SH3GLB1: variants seen among roughly 807,000 people sequenced by gnomAD.
SH3GLB1 encodes SH3 domain containing GRB2 like, endophilin B1.
SH3GLB1 carries 17 observed loss-of-function variants against 42.0 expected under a neutral mutation model. That is an observed-to-expected ratio of 0.40 (90% confidence interval 0.28 to 0.61). The LOEUF (loss-of-function observed/expected upper bound fraction) is 0.61, where lower values mean the gene tolerates loss of function less well. Ranked by LOEUF, SH3GLB1 falls within the 20% of genes least tolerant of loss-of-function variation. The pLI is 0.36. For missense variants in SH3GLB1, 355 were observed against 426.3 expected (o/e 0.83, Z 1.47); for synonymous variants, 132 against 146.6 (o/e 0.90, Z 0.72).
chr1:86,728,484 C>G (rs747138378), intron 5 of SH3GLB1: 2 of 1,540,300 alleles, frequency 1.3e-6, no homozygotes, highest in East Asian at 2.4e-5. Flanking sequence ...TGTAAAATGG[C>G]TGAAGGTTTG....
At chr1:86,734,089 A>G (rs1655658614) in intron 5 of SH3GLB1, among the ~76,000 whole-genome samples, 1 of 152,212 alleles carries the variant, frequency 6.6e-6, no homozygotes, top group Admixed American at 6.5e-5. Flanking sequence ...AACTGGTGCT[A>G]GCAACAAGTG....
intron 1 of SH3GLB1, among the ~76,000 whole-genome samples, chr1:86,711,635 TATC>T (rs148163760): frequency 0.012 from 1,893 of 152,256 alleles, 53 homozygotes; most frequent in African/African-American, 0.043. Flanking sequence ...TAATACCTAT[TATC>T]AAGAGATTAC....
chr1:86,720,100 TAAATG>T (rs1654786597), intron 3 of SH3GLB1, among the ~76,000 whole-genome samples: 2 of 152,082 alleles, frequency 1.3e-5, no homozygotes, highest in Admixed American at 1.3e-4. Flanking sequence ...TATATACAGT[TAAATG>T]TAATATTTAA....
intron 5 of SH3GLB1, among the ~76,000 whole-genome samples, chr1:86,729,387 A>G (rs1374370706): frequency 2.6e-5 from 4 of 152,006 alleles, no homozygotes; most frequent in Admixed American, 6.5e-5. Flanking sequence ...TTTTTTTTAA[A>G]TGGTAATTAC....
intron 7 of SH3GLB1, among the ~76,000 whole-genome samples, chr1:86,737,511 G>C (rs1338296158): frequency 6.6e-6 from 1 of 152,176 alleles, no homozygotes; most frequent in African/African-American, 2.4e-5. Flanking sequence ...CGAGTTCACT[G>C]AGGAAAGGAT....
intron 7 of SH3GLB1, among the ~76,000 whole-genome samples, chr1:86,740,818 A>G (rs1011105246): frequency 4.6e-5 from 7 of 152,144 alleles, no homozygotes; most frequent in African/African-American, 1.7e-4. Flanking sequence ...TAAGTAAGAG[A>G]TAATGTCAGT....
At chr1:86,727,990 C>T (rs1338023466) in intron 5 of SH3GLB1, among the ~76,000 whole-genome samples, 2 of 151,924 alleles carry the variant, frequency 1.3e-5, no homozygotes, top group Admixed American at 1.3e-4. Context: ...ATGCCAAGAC[C>T]TGGCTGAGGC....
chr1:86,709,027 T>A (rs918429023), intron 1 of SH3GLB1, among the ~76,000 whole-genome samples: 2 of 152,226 alleles, frequency 1.3e-5, no homozygotes, highest in African/African-American at 4.8e-5. Flanking sequence ...AAACTTTTTT[T>A]AAAGATATAG....
intron 5 of SH3GLB1, among the ~76,000 whole-genome samples, chr1:86,725,688 T>C (rs965017769): frequency 6.6e-6 from 1 of 152,214 alleles, no homozygotes; most frequent in Non-Finnish European, 1.5e-5. Context: ...TACTGTCTTA[T>C]AGTTCTCTTG....
intron 1 of SH3GLB1, among the ~76,000 whole-genome samples, chr1:86,712,393 G>T (rs547748958): frequency 1.3e-5 from 2 of 152,168 alleles, no homozygotes; most frequent in Non-Finnish European, 2.9e-5. Flanking sequence ...GTATTTACTG[G>T]AAGGGTAGTA....
chr1:86,736,329 T>G (rs1260603582), intron 7 of SH3GLB1, among the ~76,000 whole-genome samples: 1 of 152,208 alleles, frequency 6.6e-6, no homozygotes, highest in Non-Finnish European at 1.5e-5. Context: ...CTTTGGTGTT[T>G]GTTTCTGCAC....
chr1:86,725,653 A>C (rs530184878), intron 5 of SH3GLB1, among the ~76,000 whole-genome samples: 148 of 152,290 alleles, frequency 9.7e-4, no homozygotes, highest in South Asian at 7.0e-3. Context: ...TCATTGCGTT[A>C]ATGAGCATAT....
chr1:86,735,068 T>G lies in SH3GLB1; in HGVS notation c.661-11T>G. On this transcript the variant is annotated splice_polypyrimidine_tract_variant and intron_variant, in intron 6 of 8. Coordinates refer to ENST00000370558, the MANE Select transcript of SH3GLB1 (RefSeq NM_016009.5). ...ATACAGCTAAGAACTAACTATAATT[T>G]TCCTTCACAGGCCCATCACCTTCGC... The G allele has an allele frequency of 6.2e-7, 1 of 1,605,492 alleles. No individual in the cohort carries two copies. Among genetic ancestry groups the G allele is most frequent in the Non-Finnish European group, 8.5e-7 (1 of 1,172,562 alleles).
chr1:86,741,659 G>A (rs186540890), intron 7 of SH3GLB1, among the ~76,000 whole-genome samples: 10 of 151,978 alleles, frequency 6.6e-5, no homozygotes, highest in Admixed American at 3.3e-4. Flanking sequence ...TTCATCTTAC[G>A]TCTTCTGCTT....
At chr1:86,734,758 G>A in intron 6 of SH3GLB1, 67 bp downstream of exon 6, 1 of 1,182,550 alleles carries the variant, frequency 8.5e-7, no homozygotes, top group Non-Finnish European at 1.2e-6. Context: ...AATTTTGGGA[G>A]GAAAAACTGA....
At chr1:86,710,578 T>A (rs1654157181) in intron 1 of SH3GLB1, among the ~76,000 whole-genome samples, 1 of 152,222 alleles carries the variant, frequency 6.6e-6, no homozygotes, top group Non-Finnish European at 1.5e-5. Context: ...CTTGAAAGTA[T>A]TTTTAAGGTA....
At chr1:86,722,959 T>C (rs115114855) in intron 4 of SH3GLB1, among the ~76,000 whole-genome samples, 2,189 of 152,332 alleles carry the variant, frequency 0.014, 52 homozygotes, top group African/African-American at 0.05. Flanking sequence ...TATGAAAATA[T>C]GGTCTAAAAT....
intron 1 of SH3GLB1, among the ~76,000 whole-genome samples, chr1:86,706,272 T>C (rs1353411508): frequency 1.3e-5 from 2 of 152,258 alleles, no homozygotes; most frequent in African/African-American, 4.8e-5. Flanking sequence ...AGATTTAAGA[T>C]AGCTAGAATA....
At chr1:86,734,441 C>G (rs1055768686) in intron 5 of SH3GLB1, 161 bp from the exon 6 acceptor site, 19 of 587,136 alleles carry the variant, frequency 3.2e-5, no homozygotes, top group Non-Finnish European at 5.3e-5. Context: ...AAGCTAAGGT[C>G]TAGAAACCAG....
Sources: allele counts gnomAD v4.1 joint callset (sites outside exome capture counted in the v4.1 genomes callset), GRCh38; gene constraint gnomAD v4.1.1; transcripts MANE v1.5; gene names NCBI Gene and HGNC (gene_info 2026-07-23, HGNC 2026-07-21).